The following FOLH1 variants were observed in gnomAD, a reference collection of about 807,000 sequenced individuals.
The protein encoded by FOLH1 is glutamate carboxypeptidase 2.
A neutral mutation model predicts 93.9 loss-of-function variants in FOLH1; 54 were observed. The observed-to-expected ratio is 0.57, with a 90% CI of 0.46 to 0.72. FOLH1 has a LOEUF of 0.72. Among genes scored for constraint, FOLH1 ranks in the 30% least tolerant of loss-of-function variants. FOLH1 has a pLI of 0.00. For missense variants in FOLH1, 571 were observed against 892.5 expected, an observed-to-expected ratio of 0.64 and a Z score of 4.59; for synonymous variants, 249 against 303.6, an observed-to-expected ratio of 0.82 and a Z score of 1.87.
chr11:49,145,310 C>A lies in FOLH1; in HGVS notation c.*1446G>T, dbSNP rs1006433543. 4.1e-4 allele frequency among the ~76,000 whole-genome samples: 62 copies of A among 152,176 alleles called. No individual in the cohort carries two copies. The highest frequency in any genetic ancestry group is 1.5e-3 in the African/African-American group (62 of 41,536). On this transcript the variant is annotated 3_prime_UTR_variant, in exon 19 of 19. Transcript: ENST00000256999. ...ATCTGCTTTCTGTGTGCACCCTTGGCAAACTCTGGCAATGCAAATGACATC... is the reference window on the plus strand; with the variant it reads ...ATCTGCTTTCTGTGTGCACCCTTGGAAAACTCTGGCAATGCAAATGACATC...
intron 5 of FOLH1, 82 bp from the exon 6 acceptor site, chr11:49,185,937 A>T: frequency 6.9e-7 from 1 of 1,445,802 alleles, no homozygotes; most frequent in Non-Finnish European, 9.2e-7. Context: ...TATTACACTT[A>T]AATGAGTACC....
At chr11:49,163,156 G>A (rs1408967947) in intron 13 of FOLH1, among the ~76,000 whole-genome samples, 9 of 152,010 alleles carry the variant, frequency 5.9e-5, no homozygotes, top group African/African-American at 2.4e-5. Flanking sequence ...TGGACACTCC[G>A]AAGTCTGAAA....
intron 3 of FOLH1, among the ~76,000 whole-genome samples, chr11:49,198,490 C>A (rs607729): frequency 0.37 from 50,468 of 137,226 alleles, 8,980 homozygotes; most frequent in African/African-American, 0.53. Context: ...TCAAAAAAAA[C>A]AAAAACAAAA....
At chr11:49,180,528 A>T (rs958299827) in intron 7 of FOLH1, among the ~76,000 whole-genome samples, 1 of 152,136 alleles carries the variant, frequency 6.6e-6, no homozygotes, top group Admixed American at 6.6e-5. Flanking sequence ...ATCTCTCCTC[A>T]TTTACTCACA....
intron 7 of FOLH1, among the ~76,000 whole-genome samples, chr11:49,176,320 T>G (rs1860036919): frequency 6.6e-6 from 1 of 152,226 alleles, no homozygotes; most frequent in Non-Finnish European, 1.5e-5. Flanking sequence ...CTCTGAAATT[T>G]TCCATTCTTA....
chr11:49,171,397 T>G (rs1859266071), intron 10 of FOLH1, 120 bp from the exon 11 acceptor site: 5 of 1,313,472 alleles, frequency 3.8e-6, no homozygotes. Context: ...AAGGGCAAAT[T>G]GTAGTAAAAA....
intron 13 of FOLH1, among the ~76,000 whole-genome samples, chr11:49,159,877 A>G (rs969883072): frequency 6.6e-6 from 1 of 151,024 alleles, no homozygotes; most frequent in African/African-American, 2.4e-5. Context: ...TGTTTCCAGG[A>G]ATTTATCCTT....
At chr11:49,178,531 T>C (rs1273168552) in intron 7 of FOLH1, among the ~76,000 whole-genome samples, 2 of 152,200 alleles carry the variant, frequency 1.3e-5, no homozygotes, top group Admixed American at 6.5e-5. Flanking sequence ...ATAATAGTTA[T>C]ATATAAGAAT....
At chr11:49,189,579 AGTGTGT>A (rs1861799173) in intron 4 of FOLH1, among the ~76,000 whole-genome samples, 1 of 152,192 alleles carries the variant, frequency 6.6e-6, no homozygotes, top group Non-Finnish European at 1.5e-5. Context: ...ATACACCTAA[AGTGTGT>A]TTTTGACTTA....
intron 17 of FOLH1, among the ~76,000 whole-genome samples, chr11:49,151,324 C>T (rs1433261866): frequency 6.6e-6 from 1 of 152,204 alleles, no homozygotes; most frequent in Non-Finnish European, 1.5e-5. Flanking sequence ...CAATAAGATG[C>T]AATGGGTTTC....
At chr11:49,165,543 G>A (rs1255607072) in intron 12 of FOLH1, among the ~76,000 whole-genome samples, 1 of 152,142 alleles carries the variant, frequency 6.6e-6, no homozygotes, top group Non-Finnish European at 1.5e-5. Context: ...AGGAGTTTTG[G>A]GGGAGGGAAG....
In FOLH1 at chr11:49,157,992, T is replaced by C. The variant is rs763560048; in HGVS notation, c.1492A>G (p.Thr498Ala). Residue 498 changes from threonine (T) to alanine (A), a missense_variant, in exon 14 of 19, where the codon ACT becomes GCT. By Grantham distance (58) the Thr-to-Ala change is moderately conservative (BLOSUM62 0). Around this residue, in one of 2 missense-constraint regions of FOLH1, gnomAD observed 500 missense variants for 822.9 expected, o/e 0.61. Coordinates refer to ENST00000256999, the MANE Select transcript of FOLH1 (RefSeq NM_004476.3). Reference protein sequence around the residue: ...FEGKSLYESWTKKSPSPEFSG... With the variant: ...FEGKSLYESWAKKSPSPEFSG... Reference sequence around the variant, plus strand: ...AACTCTGGGGAAGGACTTTTTTTAGTCCAACTTTCATAAAGAGATTTGCCT... The same window carrying C: ...AACTCTGGGGAAGGACTTTTTTTAGCCCAACTTTCATAAAGAGATTTGCCT... 6.2e-7 allele frequency: 1 copy of C among 1,600,912 alleles called. No individual in the cohort carries two copies. The highest frequency in any genetic ancestry group is 1.3e-5 in the African/African-American group (1 of 74,606).
chr11:49,154,766 A>G (rs1856836732), intron 15 of FOLH1, among the ~76,000 whole-genome samples: 2 of 152,068 alleles, frequency 1.3e-5, no homozygotes, highest in Non-Finnish European at 2.9e-5. Flanking sequence ...AATGCAGAAC[A>G]TTGCATTCTT....
chr11:49,165,469 G>A (rs539685752), intron 12 of FOLH1, among the ~76,000 whole-genome samples: 2 of 152,282 alleles, frequency 1.3e-5, no homozygotes, highest in East Asian at 3.9e-4. Context: ...ACAATCAAGT[G>A]AAGCACCCAG....
intron 7 of FOLH1, among the ~76,000 whole-genome samples, chr11:49,181,986 G>A (rs1464903652): frequency 6.6e-6 from 1 of 152,064 alleles, no homozygotes; most frequent in Non-Finnish European, 1.5e-5. Flanking sequence ...CAGACGCTTT[G>A]GTCTCTATCA....
Position 49,185,965 on chromosome 11 carries a change from C to A in FOLH1, c.640-110G>T, listed in dbSNP as rs569289854. The A allele has an allele frequency of 1.7e-5, 22 of 1,329,286 alleles. No individual in the cohort carries two copies. In the East Asian group the frequency reaches 5.7e-4, roughly 35 times the overall value. The allele number at this position is 1,329,286 out of a possible 1,614,324, so 82.3% of individuals were successfully genotyped here. On this transcript the variant is annotated intron_variant, in intron 5 of 18. Coordinates refer to ENST00000256999, the MANE Select transcript of FOLH1 (RefSeq NM_004476.3). ...TGAGTACCAGAACTTTATCTTCAAC[C>A]TTTTCTCATTAGGCCTACAACAAAG...
Position 49,145,643 on chromosome 11 carries a change from G to A in FOLH1, c.*1113C>T, listed in dbSNP as rs1288679600. Among the ~76,000 whole-genome samples the A allele has an allele frequency of 1.3e-5, 2 of 152,192 alleles. No homozygotes were observed. Among genetic ancestry groups the A allele is most frequent in the Non-Finnish European group, 2.9e-5 (2 of 68,028 alleles). On this transcript the variant is annotated 3_prime_UTR_variant, in exon 19 of 19. Transcript: ENST00000256999. Reference sequence around the variant, plus strand: ...TCTTAACTTTGAGCGAGGCCACAATGTGAGGGGACTCTTCATTGGCTGCTC... The same window carrying A: ...TCTTAACTTTGAGCGAGGCCACAATATGAGGGGACTCTTCATTGGCTGCTC...
rs910034787 is a variant in FOLH1 at position 49,164,647 on chromosome 11, C to T, written c.1440+58G>A. 1.5e-5 allele frequency: 18 copies of T among 1,227,224 alleles called. No individual in the cohort carries two copies. The Admixed American group carries it at 3.5e-4, about 24-fold the overall frequency. The allele number at this position is 1,227,224 out of a possible 1,614,324, so 76.0% of individuals were successfully genotyped here. On this transcript the variant is annotated intron_variant, in intron 13 of 18. Transcript: ENST00000256999. The stretch of plus-strand genomic sequence containing the variant: ...ACACCACCTATGTTTAACATAATAC[C>T]TCAAGAAAACATCATTTGTAGAATT...
At chr11:49,157,215 A>G (rs1340620135) in intron 14 of FOLH1, among the ~76,000 whole-genome samples, 1 of 151,920 alleles carries the variant, frequency 6.6e-6, no homozygotes, top group Non-Finnish European at 1.5e-5. Flanking sequence ...TGAGATATTT[A>G]TTCTTCTTCC....
Sources: allele counts gnomAD v4.1 joint callset (sites outside exome capture counted in the v4.1 genomes callset), GRCh38; gene constraint gnomAD v4.1.1; regional missense constraint gnomAD v4.1.1; transcripts MANE v1.5; gene names NCBI Gene and HGNC (gene_info 2026-07-23, HGNC 2026-07-21).